Variants in GALNT17 observed in about 807,000 individuals in gnomAD.
GALNT17 encodes the protein UDP-GalNAc:polypeptide N-acetylgalactosaminyltransferase-like 3.
A neutral mutation model predicts 63.7 loss-of-function variants in GALNT17; 29 were observed. That is an observed-to-expected ratio of 0.46 (90% confidence interval 0.34 to 0.62). GALNT17 has a LOEUF of 0.62. Ranked by LOEUF, GALNT17 falls within the 20% of genes least tolerant of loss-of-function variation. GALNT17 has a pLI of 0.01. For synonymous variants in GALNT17, 305 were observed against 318.3 expected, an observed-to-expected ratio of 0.96 and a Z score of 0.45; for missense variants, 603 against 799.6, an observed-to-expected ratio of 0.75 and a Z score of 2.97.
At chr7:71,345,156 T>TTTG in intron 2 of GALNT17, among the ~76,000 whole-genome samples, 1 of 151,514 alleles carries the variant, frequency 6.6e-6, no homozygotes. Flanking sequence ...TGTTTTTTTT[T>TTTG]TTTGTTTTTT....
intron 1 of GALNT17, among the ~76,000 whole-genome samples, chr7:71,321,943 C>CCCTCCCTTCCTT (rs1554353238): frequency 8.4e-5 from 4 of 47,636 alleles, no homozygotes; most frequent in African/African-American, 2.6e-4. Context: ...CTCCCTCCCT[C>CCCTCCCTTCCTT]CCTTCCTTCC....
intron 3 of GALNT17, among the ~76,000 whole-genome samples, chr7:71,410,835 A>C (rs1249663574): frequency 6.6e-6 from 1 of 152,176 alleles, no homozygotes; most frequent in African/African-American, 2.4e-5. Context: ...GATCACAGGC[A>C]GTGTTCGCTT....
chr7:71,676,975 G>A (rs115991236), intron 8 of GALNT17, among the ~76,000 whole-genome samples: 1 of 152,024 alleles, frequency 6.6e-6, no homozygotes, highest in South Asian at 2.1e-4. Flanking sequence ...CTGTGAGGGT[G>A]GGGGGGCAAG....
At chr7:71,573,559 C>T (rs1233210528) in intron 6 of GALNT17, among the ~76,000 whole-genome samples, 1 of 151,912 alleles carries the variant, frequency 6.6e-6, no homozygotes, top group Non-Finnish European at 1.5e-5. Context: ...TGGTCTCAAT[C>T]TCCTGACCTT....
intron 1 of GALNT17, among the ~76,000 whole-genome samples, chr7:71,305,759 T>C (rs1181668151): frequency 6.6e-6 from 1 of 152,170 alleles, no homozygotes; most frequent in Non-Finnish European, 1.5e-5. Flanking sequence ...ATGAACCTTT[T>C]GGATTCGAAG....
chr7:71,488,571 C>A (rs1787951363), intron 5 of GALNT17, among the ~76,000 whole-genome samples: 1 of 133,966 alleles, frequency 7.5e-6, no homozygotes, highest in Non-Finnish European at 1.6e-5. Flanking sequence ...AGGACTTGCC[C>A]TTCTTTTTTT....
chr7:71,703,902 A>G (rs1315563770), intron 9 of GALNT17, among the ~76,000 whole-genome samples: 1 of 152,030 alleles, frequency 6.6e-6, no homozygotes, highest in Non-Finnish European at 1.5e-5. Context: ...GGAAAGTAAT[A>G]TTCTCTGAAG....
intron 5 of GALNT17, among the ~76,000 whole-genome samples, chr7:71,505,280 G>GA: frequency 6.6e-6 from 1 of 152,072 alleles, no homozygotes; most frequent in East Asian, 1.9e-4. Context: ...TCCTGCCAGT[G>GA]AATTACTTCT....
At chr7:71,393,040 T>A (rs1793077990) in intron 3 of GALNT17, among the ~76,000 whole-genome samples, 1 of 152,204 alleles carries the variant, frequency 6.6e-6, no homozygotes, top group African/African-American at 2.4e-5. Flanking sequence ...TAAGTCTTTT[T>A]GATAATGGTG....
At chr7:71,185,232 G>T (rs1240604271) in intron 1 of GALNT17, among the ~76,000 whole-genome samples, 2 of 149,716 alleles carry the variant, frequency 1.3e-5, no homozygotes, top group African/African-American at 2.5e-5. Flanking sequence ...TTCAGACAGG[G>T]TCTCTCTCTG....
In GALNT17 at chr7:71,701,482, A is replaced by G. The variant is rs1791630478; in HGVS notation, c.1501-9279A>G. Among the ~76,000 whole-genome samples the G allele has an allele frequency of 3.3e-5, 5 of 151,810 alleles. No individual in the cohort carries two copies. The South Asian group carries it at 1.0e-3, about 32-fold the overall frequency. On this transcript the variant is annotated intron_variant, in intron 9 of 10. Coordinates refer to ENST00000333538, the MANE Select transcript of GALNT17 (RefSeq NM_022479.3). The stretch of plus-strand genomic sequence containing the variant: ...AGCCTGGATAACAGAGTGAGACTCT[A>G]TCTCAAAAAAGAAAAAAAAAAGAAT...
chr7:71,415,806 A>C (rs181419944), intron 3 of GALNT17, 83 bp from the exon 4 acceptor site: 1 of 1,408,148 alleles, frequency 7.1e-7, no homozygotes, highest in East Asian at 2.5e-5. Flanking sequence ...GAACTCCCTG[A>C]AGATCTGTGG....
chr7:71,478,461 G>T (rs59724842), intron 5 of GALNT17, among the ~76,000 whole-genome samples: 20,306 of 151,972 alleles, frequency 0.13, 1,970 homozygotes, highest in East Asian at 0.54. Context: ...CCATAGGCGT[G>T]CCCCACCATG....
At position 71,393,007 on chromosome 7, in the gene GALNT17, G is replaced by A. The variant is rs147384150; in HGVS notation, c.589+4606G>A. ...CCAGACATCAATTTTGTGTATTCTG[G>A]TAGGCTATGAGTTTATTTTTTTTAA... On this transcript the variant is annotated intron_variant, in intron 3 of 10. Transcript: ENST00000333538. Among the ~76,000 whole-genome samples, 118 of 152,192 alleles carry A rather than the reference G, an allele frequency of 7.8e-4. 1 individual carries two copies. The highest frequency in any genetic ancestry group is 2.8e-3 in the African/African-American group (115 of 41,526).
At chr7:71,377,110 A>ATATATATATAT (rs1563047531) in intron 2 of GALNT17, among the ~76,000 whole-genome samples, 7 of 63,460 alleles carry the variant, frequency 1.1e-4, no homozygotes, top group African/African-American at 2.4e-4. Flanking sequence ...ATAAAAATAA[A>ATATATATATAT]AAAAATATAT....
intron 5 of GALNT17, among the ~76,000 whole-genome samples, chr7:71,423,672 G>T (rs562317566): frequency 6.6e-6 from 1 of 152,122 alleles, no homozygotes; most frequent in African/African-American, 2.4e-5. Context: ...TCAGCACTTC[G>T]GGAGGCCAAG....
At chr7:71,658,320 C>T (rs1249090931) in intron 6 of GALNT17, among the ~76,000 whole-genome samples, 1 of 152,162 alleles carries the variant, frequency 6.6e-6, no homozygotes, top group Admixed American at 6.5e-5. Flanking sequence ...AAAATCAATC[C>T]CCATTGACAT....
intron 5 of GALNT17, among the ~76,000 whole-genome samples, chr7:71,560,409 A>C (rs186585447): frequency 1.3e-5 from 2 of 152,074 alleles, no homozygotes; most frequent in Admixed American, 6.6e-5. Flanking sequence ...GCAACTCCCC[A>C]TGAGAACACA....
At chr7:71,230,335 C>T (rs1312834878) in intron 1 of GALNT17, among the ~76,000 whole-genome samples, 1 of 152,106 alleles carries the variant, frequency 6.6e-6, no homozygotes, top group Non-Finnish European at 1.5e-5. Context: ...GCTGCCATTG[C>T]ATGGAGTGAG....
Sources: allele counts gnomAD v4.1 joint callset (sites outside exome capture counted in the v4.1 genomes callset), GRCh38; gene constraint gnomAD v4.1.1; transcripts MANE v1.5; gene names NCBI Gene and HGNC (gene_info 2026-07-23, HGNC 2026-07-21).